Variants in KLHL1 observed in about 807,000 individuals in gnomAD.
KLHL1 encodes the protein kelch-like protein 1.
Under a neutral mutation model 77.7 loss-of-function variants are expected in KLHL1, and 47 were observed. That is an observed-to-expected ratio of 0.60 (90% CI 0.48 to 0.77). The LOEUF (loss-of-function observed/expected upper bound fraction) is 0.77, where lower values mean the gene tolerates loss of function less well. Ranked by LOEUF, KLHL1 falls within the 30% of genes least tolerant of loss-of-function variation. The pLI, the probability that KLHL1 is intolerant of heterozygous loss-of-function variation, is 0.00. For missense variants in KLHL1, 925 were observed against 910.8 expected (o/e 1.02, Z -0.20); for synonymous variants, 360 against 325.2 (o/e 1.11, Z -1.15).
At chr13:70,009,612 C>T (rs1039256402) in intron 1 of KLHL1, among the ~76,000 whole-genome samples, 6 of 152,106 alleles carry the variant, frequency 3.9e-5, no homozygotes, top group Non-Finnish European at 7.4e-5. Context: ...GAAGTATGGA[C>T]GTTGAAATAT....
At chr13:69,902,608 G>A (rs918460816) in intron 4 of KLHL1, among the ~76,000 whole-genome samples, 1 of 152,090 alleles carries the variant, frequency 6.6e-6, no homozygotes, top group Admixed American at 6.6e-5. Context: ...CCTTTGTAGG[G>A]ACATGGATGA....
chr13:69,956,014 T>C (rs1883863981), intron 3 of KLHL1, among the ~76,000 whole-genome samples: 1 of 116,952 alleles, frequency 8.6e-6, no homozygotes, highest in Admixed American at 8.8e-5. Flanking sequence ...TTTATATATA[T>C]TTGATATATA....
At position 69,975,695 on chromosome 13, in the gene KLHL1, A is replaced by G. The variant is rs770613441; in HGVS notation, c.605T>C (p.Met202Thr). ...VHHAEQTFRK[M>T]ESYLKQQQLC... The stretch of plus-strand genomic sequence containing the variant: ...TTGCTGCTGCTTCAAATAACTTTCC[A>G]TCTTTCTGAAGGTTTGCTCAGCATG... The change falls in exon 2 of 11, where the codon ATG (methionine) becomes ACG (threonine). Residue 202 changes from methionine to threonine, a missense_variant. Transcript: ENST00000377844. The G allele has an allele frequency of 4.3e-6, 7 of 1,613,634 alleles. No homozygotes were observed. The highest frequency in any genetic ancestry group is 2.2e-5 in the South Asian group (2 of 91,050).
chr13:70,101,713 G>GCCA (rs1430716870), intron 1 of KLHL1, among the ~76,000 whole-genome samples: 2 of 152,112 alleles, frequency 1.3e-5, no homozygotes, highest in African/African-American at 2.4e-5. Flanking sequence ...ACAGGCGTGA[G>GCCA]CCACCACACC....
chr13:70,087,679 G>C (rs574631150), intron 1 of KLHL1, among the ~76,000 whole-genome samples: 1 of 152,122 alleles, frequency 6.6e-6, no homozygotes, highest in South Asian at 2.1e-4. Flanking sequence ...GGGCTGCTGG[G>C]ATTTAAAATG....
chr13:69,940,425 AT>A (rs1883330206), intron 3 of KLHL1, among the ~76,000 whole-genome samples, 189 bp from the exon 4 acceptor site: 1 of 152,154 alleles, frequency 6.6e-6, no homozygotes, highest in Admixed American at 6.6e-5. Context: ...TTCATGTAAT[AT>A]TCAAAATCAC....
chr13:70,086,642 A>G (rs1311566756), intron 1 of KLHL1, among the ~76,000 whole-genome samples: 7 of 146,016 alleles, frequency 4.8e-5, no homozygotes, highest in East Asian at 2.0e-4. Flanking sequence ...AAAAAGAAAA[A>G]GAAAACAAGA....
intron 6 of KLHL1, among the ~76,000 whole-genome samples, chr13:69,810,882 C>G (rs907054419): frequency 5.3e-5 from 8 of 151,872 alleles, no homozygotes; most frequent in African/African-American, 1.9e-4. Context: ...CTGTAAGAAA[C>G]AGATAAATTC....
intron 1 of KLHL1, among the ~76,000 whole-genome samples, chr13:70,066,431 T>C (rs1887006748): frequency 1.3e-5 from 2 of 152,244 alleles, no homozygotes; most frequent in Non-Finnish European, 1.5e-5. Flanking sequence ...AGAATAAAAA[T>C]GGAGATAGAA....
intron 3 of KLHL1, among the ~76,000 whole-genome samples, chr13:69,961,083 T>G (rs1884049235): frequency 6.6e-6 from 1 of 152,058 alleles, no homozygotes; most frequent in South Asian, 2.1e-4. Context: ...ACATATTTAT[T>G]TAAGCCAGTT....
chr13:69,879,300 T>C (rs946270857), intron 5 of KLHL1, among the ~76,000 whole-genome samples: 2 of 152,216 alleles, frequency 1.3e-5, no homozygotes, highest in African/African-American at 2.4e-5. Flanking sequence ...TCATTTATGC[T>C]ATAATATTGC....
intron 9 of KLHL1, among the ~76,000 whole-genome samples, chr13:69,714,851 C>G (rs1452356765): frequency 6.6e-6 from 1 of 152,074 alleles, no homozygotes; most frequent in African/African-American, 2.4e-5. Flanking sequence ...TTCTCAGCCT[C>G]CAAAGGTGCC....
intron 4 of KLHL1, among the ~76,000 whole-genome samples, chr13:69,914,277 T>G (rs1882344175): frequency 6.6e-6 from 1 of 152,198 alleles, no homozygotes; most frequent in African/African-American, 2.4e-5. Context: ...ATCTTCACAT[T>G]ATACATTTCT....
chr13:69,905,514 T>C (rs1423603000), intron 4 of KLHL1, among the ~76,000 whole-genome samples: 1 of 152,034 alleles, frequency 6.6e-6, no homozygotes, highest in African/African-American at 2.4e-5. Context: ...ATGATATAAA[T>C]GATATTAAAT....
At chr13:70,100,269 A>C (rs1203051350) in intron 1 of KLHL1, among the ~76,000 whole-genome samples, 1 of 151,882 alleles carries the variant, frequency 6.6e-6, no homozygotes, top group Admixed American at 6.6e-5. Flanking sequence ...TTATTATTTC[A>C]TAATTTATTA....
At chr13:69,748,876 C>T (rs538985431) in intron 7 of KLHL1, among the ~76,000 whole-genome samples, 1 of 152,074 alleles carries the variant, frequency 6.6e-6, no homozygotes, top group Non-Finnish European at 1.5e-5. Context: ...ACTCTCAAAA[C>T]TTAAATTCCT....
intron 5 of KLHL1, among the ~76,000 whole-genome samples, chr13:69,863,037 C>G (rs190076360): frequency 6.6e-6 from 1 of 152,160 alleles, no homozygotes; most frequent in Admixed American, 6.6e-5. Flanking sequence ...TGTTAGCTAT[C>G]TTTGAAGATT....
chr13:69,831,770 C>T lies in KLHL1; in HGVS notation c.1414+7206G>A, dbSNP rs557852867. 1.3e-5 allele frequency among the ~76,000 whole-genome samples: 2 copies of T among 150,338 alleles called. 1 individual carries two copies. The highest frequency in any genetic ancestry group is 5.0e-5 in the African/African-American group (2 of 40,214). On this transcript the variant is annotated intron_variant, in intron 6 of 10. Transcript: ENST00000377844. ...CCACGATGATCAAGTTGATTTCACA[C>T]CAGGGATGCATGGATGTTTTCAAAT...
chr13:70,097,174 G>A (rs1887812153), intron 1 of KLHL1, among the ~76,000 whole-genome samples: 1 of 152,064 alleles, frequency 6.6e-6, no homozygotes, highest in South Asian at 2.1e-4. Flanking sequence ...ATGACATTTT[G>A]CAACCATTCC....
Sources: gnomAD v4.1 joint callset for allele counts (sites outside exome capture counted in the v4.1 genomes callset) on GRCh38, gnomAD v4.1.1 for gene constraint, MANE v1.5 for transcripts, NCBI Gene and HGNC (gene_info 2026-07-23, HGNC 2026-07-21) for gene names.